Variants in LRP1B observed in about 807,000 individuals in gnomAD.
LRP1B encodes the protein low-density lipoprotein receptor-related protein 1B.
LRP1B carries 217 observed loss-of-function variants against 556.6 expected under a neutral mutation model. That is an observed-to-expected ratio of 0.39 (90% CI 0.35 to 0.44). LRP1B has a LOEUF of 0.44. Ranked by LOEUF, LRP1B falls within the 20% of genes least tolerant of loss-of-function variation. The probability of loss-of-function intolerance (pLI) is 1.00; values close to 1 mark genes in which losing one functional copy is unlikely to be tolerated. For missense variants in LRP1B, 5,053 were observed against 5,620.8 expected (o/e 0.90, Z 3.23); for synonymous variants, 2,047 against 1,865.8 (o/e 1.10, Z -2.50).
intron 1 of LRP1B, among the ~76,000 whole-genome samples, chr2:141,865,336 T>A (rs1313229911): frequency 6.6e-6 from 1 of 151,960 alleles, no homozygotes; most frequent in Non-Finnish European, 1.5e-5. Flanking sequence ...CTCACGCCTG[T>A]AATCCCAGCA....
intron 3 of LRP1B, among the ~76,000 whole-genome samples, chr2:141,286,365 G>T (rs1402914944): frequency 6.6e-6 from 1 of 151,908 alleles, no homozygotes; most frequent in East Asian, 1.9e-4. Flanking sequence ...TGCTAATGTT[G>T]TGTAAAAATT....
chr2:141,814,881 G>C (rs1207317492), intron 1 of LRP1B, among the ~76,000 whole-genome samples: 1 of 152,074 alleles, frequency 6.6e-6, no homozygotes, highest in East Asian at 1.9e-4. Flanking sequence ...GTGGTCAAAA[G>C]GAAGAGGCAA....
chr2:140,303,674 T>C (rs1322020014), intron 83 of LRP1B, among the ~76,000 whole-genome samples: 1 of 152,164 alleles, frequency 6.6e-6, no homozygotes, highest in Non-Finnish European at 1.5e-5. Flanking sequence ...ATCTTTTTAT[T>C]ATACCTTAAA....
intron 2 of LRP1B, among the ~76,000 whole-genome samples, chr2:141,676,263 C>A (rs1030391566): frequency 6.6e-6 from 1 of 152,042 alleles, no homozygotes; most frequent in African/African-American, 2.4e-5. Flanking sequence ...CAGTGCCAAG[C>A]AGTGACCATT....
At chr2:141,180,551 C>A (rs1322230758) in intron 7 of LRP1B, among the ~76,000 whole-genome samples, 3 of 151,846 alleles carry the variant, frequency 2.0e-5, no homozygotes, top group African/African-American at 7.2e-5. Flanking sequence ...GTTCATATAG[C>A]TTCCAAAAGT....
intron 2 of LRP1B, among the ~76,000 whole-genome samples, chr2:141,765,307 A>G (rs1226076546): frequency 6.6e-6 from 1 of 152,248 alleles, no homozygotes; most frequent in Non-Finnish European, 1.5e-5. Context: ...GCAGAATTAT[A>G]ATCTTCTGAA....
In LRP1B at chr2:140,950,358, A is replaced by G. The variant is rs767361342; in HGVS notation, c.3013T>C (p.Ser1005Pro). Residue 1005 changes from serine to proline, a missense_variant, in exon 20 of 91, where the codon TCT (serine) becomes CCT (proline). This residue lies in a region of LRP1B where 3,619 missense variants were observed against 3,931.9 expected (regional missense o/e 0.92). Coordinates refer to ENST00000389484, the MANE Select transcript of LRP1B (RefSeq NM_018557.3). ...DGSDEVGCVH[S>P]CFDNQFRCSS... Reference sequence around the variant, plus strand: ...CATCTGAACTGATTATCAAAGCAAGAGTGAACACAGCCCACCTCATCACTC... The same window carrying G: ...CATCTGAACTGATTATCAAAGCAAGGGTGAACACAGCCCACCTCATCACTC... 1 of 1,612,692 alleles carries G rather than the reference A, an allele frequency of 6.2e-7. No individual in the cohort carries two copies. Among genetic ancestry groups the G allele is most frequent in the Non-Finnish European group, 8.5e-7 (1 of 1,179,416 alleles).
chr2:141,084,442 G>A (rs1204785044), intron 7 of LRP1B, among the ~76,000 whole-genome samples: 1 of 152,122 alleles, frequency 6.6e-6, no homozygotes, highest in Non-Finnish European at 1.5e-5. Context: ...ATGTTAAATT[G>A]AAAGTGTAAG....
At chr2:140,653,938 T>C (rs189877986) in intron 41 of LRP1B, among the ~76,000 whole-genome samples, 1,796 of 144,560 alleles carry the variant, frequency 0.012, 33 homozygotes, top group African/African-American at 0.041. Flanking sequence ...GGCAGGAGAA[T>C]CGCTTGAACC....
intron 2 of LRP1B, among the ~76,000 whole-genome samples, chr2:141,598,265 C>T (rs1176973299): frequency 6.6e-6 from 1 of 151,878 alleles, no homozygotes; most frequent in African/African-American, 2.4e-5. Flanking sequence ...ACACTTGGCA[C>T]TTACCTATTT....
At chr2:140,785,682 C>A (rs949240768) in intron 32 of LRP1B, among the ~76,000 whole-genome samples, 6 of 152,102 alleles carry the variant, frequency 3.9e-5, no homozygotes, top group African/African-American at 1.4e-4. Context: ...TCAATGTTAT[C>A]CCTAAATATC....
chr2:140,772,467 G>A (rs1312500753), intron 33 of LRP1B, among the ~76,000 whole-genome samples: 2 of 151,912 alleles, frequency 1.3e-5, no homozygotes, highest in Non-Finnish European at 2.9e-5. Flanking sequence ...CTGCCACCAT[G>A]TCTGGATAAT....
intron 41 of LRP1B, among the ~76,000 whole-genome samples, chr2:140,629,956 A>T (rs890781239): frequency 5.9e-5 from 9 of 152,252 alleles, no homozygotes; most frequent in African/African-American, 2.2e-4. Context: ...GATACCACAG[A>T]AATATGGATG....
chr2:140,462,404 A>G (rs1480130834), intron 60 of LRP1B, among the ~76,000 whole-genome samples: 1 of 152,236 alleles, frequency 6.6e-6, no homozygotes, highest in Non-Finnish European at 1.5e-5. Flanking sequence ...GCAAAGGTAC[A>G]AATCATGCAT....
Position 141,222,911 on chromosome 2 carries a change from C to G in LRP1B, c.850+6272G>C, listed in dbSNP as rs576029773. On this transcript the variant is annotated intron_variant, in intron 6 of 90. Transcript: ENST00000389484. Reference sequence around the variant, plus strand: ...CCTCAAAATAATGAGCCATATGTGACAAACCCATAGCCAATATCAAACTGA... The same window carrying G: ...CCTCAAAATAATGAGCCATATGTGAGAAACCCATAGCCAATATCAAACTGA... 2.6e-5 allele frequency among the ~76,000 whole-genome samples: 4 copies of G among 152,220 alleles called. No individual in the cohort carries two copies. The East Asian group carries it at 7.7e-4, about 29-fold the overall frequency.
chr2:141,186,986 G>T (rs371359183), intron 7 of LRP1B, among the ~76,000 whole-genome samples: 3 of 151,978 alleles, frequency 2.0e-5, no homozygotes, highest in African/African-American at 7.2e-5. Flanking sequence ...GCTGTCTAAA[G>T]GCTAATCTGA....
At chr2:141,386,050 C>A (rs1243316479) in intron 3 of LRP1B, among the ~76,000 whole-genome samples, 4 of 152,064 alleles carry the variant, frequency 2.6e-5, no homozygotes, top group African/African-American at 9.7e-5. Context: ...ACATGGATGG[C>A]TAAGATAGTG....
At chr2:141,401,765 T>C (rs1298269641) in intron 3 of LRP1B, among the ~76,000 whole-genome samples, 2 of 152,160 alleles carry the variant, frequency 1.3e-5, no homozygotes, top group Non-Finnish European at 2.9e-5. Context: ...AATTTCTTTA[T>C]CACATTTTCA....
At chr2:141,115,510 G>T (rs1700870073) in intron 7 of LRP1B, among the ~76,000 whole-genome samples, 1 of 141,714 alleles carries the variant, frequency 7.1e-6, no homozygotes, top group Admixed American at 7.5e-5. Context: ...AGACTGGAGT[G>T]CAATGTCGTG....
Sources: gnomAD v4.1 joint callset for allele counts (sites outside exome capture counted in the v4.1 genomes callset) on GRCh38, gnomAD v4.1.1 for gene constraint, gnomAD v4.1.1 regional missense constraint, MANE v1.5 for transcripts, NCBI Gene and HGNC (gene_info 2026-07-23, HGNC 2026-07-21) for gene names.